The following KCNK9 variants were observed in gnomAD, a reference collection of about 807,000 sequenced individuals.
KCNK9 encodes potassium channel subfamily K member 9.
Under a neutral mutation model 10.8 loss-of-function variants are expected in KCNK9, and 1 was observed. The observed-to-expected ratio is 0.09, with a 90% confidence interval of 0.03 to 0.44. The LOEUF is 0.44. Ranked by LOEUF, KCNK9 falls within the 20% of genes least tolerant of loss-of-function variation. The pLI is 0.97. For synonymous variants in KCNK9, 231 were observed against 222.7 expected, an observed-to-expected ratio of 1.04 and a Z score of -0.33; for missense variants, 303 against 515.0, an observed-to-expected ratio of 0.59 and a Z score of 3.98.
chr8:139,664,731 G>T (rs1816256294), intron 1 of KCNK9, among the ~76,000 whole-genome samples: 1 of 152,186 alleles, frequency 6.6e-6, no homozygotes, highest in South Asian at 2.1e-4. Flanking sequence ...TCCCAGCCTG[G>T]TGTCATGGCC....
intron 1 of KCNK9, among the ~76,000 whole-genome samples, chr8:139,663,715 T>C (rs1239599468): frequency 6.7e-6 from 1 of 148,160 alleles, no homozygotes; most frequent in East Asian, 2.0e-4. Context: ...GAAGGTGCTT[T>C]TGTGCCAATT....
intron 1 of KCNK9, among the ~76,000 whole-genome samples, chr8:139,646,784 C>G (rs977878908): frequency 7.2e-5 from 11 of 152,240 alleles, no homozygotes; most frequent in African/African-American, 2.7e-4. Context: ...TCATAACAAA[C>G]ATGAATTCCT....
intron 1 of KCNK9, among the ~76,000 whole-genome samples, chr8:139,667,074 G>C (rs1816319480): frequency 6.6e-6 from 1 of 152,234 alleles, no homozygotes; most frequent in African/African-American, 2.4e-5. Context: ...AGACCAGACA[G>C]CCCAAGGGGA....
chr8:139,633,178 C>T (rs1815229526), intron 1 of KCNK9, among the ~76,000 whole-genome samples: 1 of 152,096 alleles, frequency 6.6e-6, no homozygotes, highest in South Asian at 2.1e-4. Context: ...CGCTCACATA[C>T]ACGAATATAC....
intron 1 of KCNK9, among the ~76,000 whole-genome samples, chr8:139,687,424 A>G (rs991986459): frequency 7.0e-6 from 1 of 142,248 alleles, no homozygotes; most frequent in Non-Finnish European, 1.5e-5. Flanking sequence ...ATATGTGTAT[A>G]CATATATATT....
At chr8:139,614,184 G>A (rs77867727), downstream of KCNK9, among the ~76,000 whole-genome samples, 589 of 152,278 alleles carry the variant, frequency 3.9e-3, 3 homozygotes, top group African/African-American at 0.014. Context: ...AGATATGGAT[G>A]AGGCAGAGAA....
chr8:139,611,245 C>T (rs1366973272), downstream of KCNK9: 1 of 152,284 alleles, frequency 6.6e-6, no homozygotes, highest in African/African-American at 2.4e-5. Context: ...CATATCTAGT[C>T]TTCACAGGCA....
At chr8:139,615,350 T>C (rs72681238), downstream of KCNK9, among the ~76,000 whole-genome samples, 6,741 of 152,278 alleles carry the variant, frequency 0.044, 202 homozygotes, top group Non-Finnish European at 0.067. Flanking sequence ...CTGATTCTAA[T>C]GCTGATTGAG....
intron 1 of KCNK9, among the ~76,000 whole-genome samples, chr8:139,629,774 C>G (rs1815102888): frequency 6.6e-6 from 1 of 152,162 alleles, no homozygotes; most frequent in African/African-American, 2.4e-5. Flanking sequence ...AGACAGTGTC[C>G]CCATATCCCT....
intron 1 of KCNK9, among the ~76,000 whole-genome samples, chr8:139,671,662 C>T (rs1037464460): frequency 6.6e-6 from 1 of 152,068 alleles, no homozygotes; most frequent in South Asian, 2.1e-4. Flanking sequence ...GGGTTATAGG[C>T]ACGTGTTCAC....
chr8:139,613,487 C>T (rs1312115282), downstream of KCNK9, among the ~76,000 whole-genome samples: 1 of 152,158 alleles, frequency 6.6e-6, no homozygotes, highest in Non-Finnish European at 1.5e-5. Context: ...TATTGCCGGT[C>T]CCTCTTCATC....
At chr8:139,645,060 C>T (rs2129656137) in intron 1 of KCNK9, among the ~76,000 whole-genome samples, 1 of 152,342 alleles carries the variant, frequency 6.6e-6, no homozygotes, top group South Asian at 2.1e-4. Context: ...TGGCTTCCCT[C>T]CCGCACCGTG....
At chr8:139,640,493 T>C (rs1011303142) in intron 1 of KCNK9, among the ~76,000 whole-genome samples, 1 of 152,152 alleles carries the variant, frequency 6.6e-6, no homozygotes, top group Non-Finnish European at 1.5e-5. Flanking sequence ...CTAGATTGGG[T>C]TGGGGTCCTC....
At chr8:139,604,309 C>T (rs878955385) in intron 2 of KCNK9, among the ~76,000 whole-genome samples, 5 of 152,140 alleles carry the variant, frequency 3.3e-5, no homozygotes, top group East Asian at 1.9e-4. Context: ...ACACAATAGA[C>T]GTGTCAAGTG....
intron 1 of KCNK9, among the ~76,000 whole-genome samples, chr8:139,652,810 T>C (rs1227673447): frequency 1.3e-5 from 2 of 152,202 alleles, no homozygotes; most frequent in Non-Finnish European, 1.5e-5. Context: ...TGGCACACTC[T>C]GGGTGCTCCT....
At chr8:139,635,967 T>C (rs1815325400) in intron 1 of KCNK9, among the ~76,000 whole-genome samples, 1 of 152,218 alleles carries the variant, frequency 6.6e-6, no homozygotes, top group African/African-American at 2.4e-5. Context: ...TTCAAGTAGA[T>C]GTGGCATGTC....
At chr8:139,636,829 C>T (rs532554997) in intron 1 of KCNK9, among the ~76,000 whole-genome samples, 157 of 152,290 alleles carry the variant, frequency 1.0e-3, no homozygotes, top group African/African-American at 3.5e-3. Flanking sequence ...TCCAAGGTGA[C>T]CTGGAACACC....
intron 1 of KCNK9, among the ~76,000 whole-genome samples, chr8:139,679,031 T>G (rs182055415): frequency 2.1e-3 from 323 of 152,102 alleles, no homozygotes; most frequent in Non-Finnish European, 3.8e-3. Context: ...GTTTGCTTTG[T>G]TTTTTTTAAC....
chr8:139,613,942 G>A (rs1488321050), downstream of KCNK9, among the ~76,000 whole-genome samples: 1 of 152,236 alleles, frequency 6.6e-6, no homozygotes, highest in African/African-American at 2.4e-5. Context: ...GACAGGGGCA[G>A]GCGCCTCTGC....
Sources: gnomAD v4.1 joint callset for allele counts (sites outside exome capture counted in the v4.1 genomes callset) on GRCh38, gnomAD v4.1.1 for gene constraint, MANE v1.5 for transcripts, NCBI Gene and HGNC (gene_info 2026-07-23, HGNC 2026-07-21) for gene names.